GPR155: variants seen among roughly 807,000 people sequenced by gnomAD.
GPR155 encodes lysosomal cholesterol signaling protein.
GPR155 carries 65 observed loss-of-function variants against 93.1 expected under a neutral mutation model. That is an observed-to-expected ratio of 0.70 (90% CI 0.57 to 0.86). The LOEUF is 0.86. GPR155 is among the 40% of genes least tolerant of loss of function. The pLI is 0.00. For synonymous variants in GPR155, 319 were observed against 360.1 expected, an observed-to-expected ratio of 0.89 and a Z score of 1.29; for missense variants, 838 against 1,034.8, an observed-to-expected ratio of 0.81 and a Z score of 2.61.
At chr2:174,455,031 C>T (rs892098006) in intron 10 of GPR155, among the ~76,000 whole-genome samples, 2 of 152,092 alleles carry the variant, frequency 1.3e-5, no homozygotes, top group South Asian at 4.1e-4. Context: ...AACAAAGATA[C>T]TGTACATCTC....
chr2:174,466,651 T>C (rs1475915149), intron 5 of GPR155, 24 bp from the exon 6 acceptor site: 2 of 1,207,106 alleles, frequency 1.7e-6, no homozygotes, highest in South Asian at 1.3e-5. Flanking sequence ...GGTTCAAAAG[T>C]TATTCATGTT....
At chr2:174,439,557 A>G (rs1016294613) in intron 15 of GPR155, among the ~76,000 whole-genome samples, 7 of 152,200 alleles carry the variant, frequency 4.6e-5, no homozygotes, top group Non-Finnish European at 7.3e-5. Context: ...TCTAAATCCA[A>G]TGTATCTCAA....
chr2:174,443,033 C>T (rs1687013406), intron 13 of GPR155, among the ~76,000 whole-genome samples: 1 of 152,198 alleles, frequency 6.6e-6, no homozygotes, highest in Admixed American at 6.5e-5. Context: ...ATCCCAGTCC[C>T]AGTTCTGGAT....
At chr2:174,440,843 C>A (rs1686936896) in intron 14 of GPR155, among the ~76,000 whole-genome samples, 1 of 152,098 alleles carries the variant, frequency 6.6e-6, no homozygotes, top group South Asian at 2.1e-4. Flanking sequence ...TTCAAAGAAA[C>A]CCTTCACTAA....
intron 2 of GPR155, among the ~76,000 whole-genome samples, chr2:174,475,289 C>T (rs1486680624): frequency 1.0e-4 from 7 of 67,314 alleles, no homozygotes; most frequent in East Asian, 4.3e-4. Context: ...AGCGAGACTC[C>T]GTCTCAAAAA....
At chr2:174,438,353 G>A (rs2105661165) in intron 15 of GPR155, among the ~76,000 whole-genome samples, 1 of 152,338 alleles carries the variant, frequency 6.6e-6, no homozygotes, top group African/African-American at 2.4e-5. Flanking sequence ...CTCCCAGCCA[G>A]TGTCCATTCA....
intron 10 of GPR155, among the ~76,000 whole-genome samples, chr2:174,455,368 A>G (rs2105698543): frequency 2.0e-5 from 1 of 49,614 alleles, no homozygotes; most frequent in African/African-American, 4.1e-5. Context: ...AGGTGGCAGA[A>G]TAGGCTCGGA....
At chr2:174,447,588 TAAA>T (rs1303671365) in intron 11 of GPR155, among the ~76,000 whole-genome samples, 5 of 146,048 alleles carry the variant, frequency 3.4e-5, no homozygotes, top group African/African-American at 7.4e-5. Context: ...CATATATAAA[TAAA>T]AATTTTATAT....
rs374915320 is a variant in GPR155, at chr2:174,441,682, G to A, written c.2174+437C>T. 6.6e-5 allele frequency among the ~76,000 whole-genome samples: 10 copies of A among 151,968 alleles called. 1 individual carries two copies. Among genetic ancestry groups the A allele is most frequent in the African/African-American group, 2.2e-4 (9 of 41,422 alleles). ...CCACCTATGAGTGAGAACATGCTGT[G>A]TTTGGTTTTCTGTCCTTGCGATAGA... On this transcript the variant is annotated intron_variant, in intron 14 of 15. Transcript: ENST00000392552.
intron 10 of GPR155, among the ~76,000 whole-genome samples, chr2:174,454,666 G>C (rs1427698356): frequency 2.7e-5 from 4 of 146,688 alleles, no homozygotes; most frequent in Non-Finnish European, 6.0e-5. Flanking sequence ...AGAAGGGAAG[G>C]AGGGAAGGAG....
intron 3 of GPR155, among the ~76,000 whole-genome samples, chr2:174,471,766 C>A (rs1162011966): frequency 6.6e-6 from 1 of 151,928 alleles, no homozygotes; most frequent in East Asian, 1.9e-4. Flanking sequence ...TATCAAAGAC[C>A]CCCCATCTTT....
chr2:174,444,123 A>G (rs894352377), intron 13 of GPR155, among the ~76,000 whole-genome samples: 5 of 152,146 alleles, frequency 3.3e-5, no homozygotes, highest in Admixed American at 1.3e-4. Context: ...ATGTCCACTA[A>G]TTTAAGGAGA....
At chr2:174,482,023 C>T (rs1012002841) in intron 1 of GPR155, 36 bp from the exon 2 acceptor site, 45 of 1,075,684 alleles carry the variant, frequency 4.2e-5, no homozygotes, top group Admixed American at 8.7e-5. Flanking sequence ...GTATGGCCAT[C>T]AACAAGAATT....
At chr2:174,436,660 C>T (rs1055288474) in intron 15 of GPR155, among the ~76,000 whole-genome samples, 17 of 151,838 alleles carry the variant, frequency 1.1e-4, no homozygotes, top group Non-Finnish European at 2.2e-4. Flanking sequence ...TAAACAATAC[C>T]AAAAAAAGTC....
chr2:174,443,801 A>G (rs1013993860), intron 13 of GPR155, among the ~76,000 whole-genome samples: 4 of 152,146 alleles, frequency 2.6e-5, no homozygotes, highest in African/African-American at 9.7e-5. Flanking sequence ...AATATGTAAG[A>G]TGTAATTTAT....
chr2:174,467,603 T>C (rs567372736), intron 5 of GPR155, among the ~76,000 whole-genome samples: 2 of 152,218 alleles, frequency 1.3e-5, no homozygotes, highest in Admixed American at 6.5e-5. Context: ...TAGTGGGAGA[T>C]AGTTATAATA....
intron 11 of GPR155, among the ~76,000 whole-genome samples, chr2:174,448,576 GCCGGA>G: frequency 2.1e-5 from 3 of 141,704 alleles, no homozygotes; most frequent in African/African-American, 5.3e-5. Flanking sequence ...TGTCGCCCAG[GCCGGA>G]CTGCGGACTG....
chr2:174,442,430 C>A (rs1292187357), intron 13 of GPR155, among the ~76,000 whole-genome samples: 1 of 152,178 alleles, frequency 6.6e-6, no homozygotes, highest in African/African-American at 2.4e-5. Flanking sequence ...GCCGCATTTA[C>A]ATGATAGTAA....
rs776994724 is a variant in GPR155 at position 174,481,901 on chromosome 2, G to T, written c.56C>A (p.Thr19Asn). ...NLTIAVNMTK[T>N]LPTAVTHGFN... is the part of the protein sequence containing the mutation. ...TCCATGCGTTACTGCTGTAGGCAAA[G>T]TCTTGGTCATATTGACTGCAATGGT... The change falls in exon 2 of 16, where the codon ACT (threonine) becomes AAT (asparagine). Residue 19 changes from threonine (T) to asparagine (N), a missense_variant. By Grantham distance (65) the Thr-to-Asn change is moderately conservative (BLOSUM62 0). This residue lies in a region of GPR155 where 663 missense variants were observed against 790.1 expected (regional missense o/e 0.84). Transcript: ENST00000392552. 8.7e-6 allele frequency: 14 copies of T among 1,613,946 alleles called. No homozygotes were observed. The highest frequency in any genetic ancestry group is 1.2e-5 in the Non-Finnish European group (14 of 1,179,992).
Sources: allele counts gnomAD v4.1 joint callset (sites outside exome capture counted in the v4.1 genomes callset), GRCh38; gene constraint gnomAD v4.1.1; regional missense constraint gnomAD v4.1.1; transcripts MANE v1.5; gene names NCBI Gene and HGNC (gene_info 2026-07-23, HGNC 2026-07-21).